The following ITGA11 variants were observed in gnomAD, a reference collection of about 807,000 sequenced individuals.
The protein encoded by ITGA11 is integrin alpha-11.
ITGA11 carries 97 observed loss-of-function variants against 141.9 expected under a neutral mutation model. The observed-to-expected ratio is 0.68, with a 90% CI of 0.58 to 0.81. ITGA11 has a LOEUF of 0.81. Ranked by LOEUF, ITGA11 falls within the 30% of genes least tolerant of loss-of-function variation. The probability of loss-of-function intolerance (pLI) is 0.00; values close to 1 mark genes in which losing one functional copy is unlikely to be tolerated. For synonymous variants in ITGA11, 658 were observed against 624.6 expected (o/e 1.05, Z -0.80); for missense variants, 1,387 against 1,559.2 (o/e 0.89, Z 1.86).
intron 18 of ITGA11, among the ~76,000 whole-genome samples, chr15:68,323,063 C>T (rs886338009): frequency 1.6e-4 from 24 of 152,268 alleles, no homozygotes; most frequent in Middle Eastern, 3.4e-3. Context: ...TCATGTGTAT[C>T]TTAAATTCAT....
rs1595869312 is a variant in ITGA11 at position 68,344,580 on chromosome 15, T to C, written c.1131+4250A>G. On this transcript the variant is annotated intron_variant, in intron 10 of 29. Coordinates refer to ENST00000315757, the MANE Select transcript of ITGA11 (RefSeq NM_001004439.2). ...GATGTTTATACCTCCAGAGGGGGAC[T>C]AGACTCGAAGACTCGGTAATCCCAT... Among the ~76,000 whole-genome samples the C allele has an allele frequency of 2.0e-5, 3 of 152,124 alleles. No homozygotes were observed. The South Asian group carries it at 6.2e-4, about 32-fold the overall frequency.
At chr15:68,416,255 A>G (rs1342985189) in intron 1 of ITGA11, among the ~76,000 whole-genome samples, 1 of 152,230 alleles carries the variant, frequency 6.6e-6, no homozygotes, top group Non-Finnish European at 1.5e-5. Flanking sequence ...CAAATCAGAA[A>G]AAAACAATCA....
chr15:68,316,989 C>G (rs1388952532), intron 21 of ITGA11, among the ~76,000 whole-genome samples: 2 of 152,188 alleles, frequency 1.3e-5, no homozygotes, highest in African/African-American at 4.8e-5. Flanking sequence ...GGCTGCAGAA[C>G]AGTGGGACTG....
chr15:68,349,837 T>A (rs139331017), intron 9 of ITGA11, among the ~76,000 whole-genome samples: 1 of 152,288 alleles, frequency 6.6e-6, no homozygotes, highest in African/African-American at 2.4e-5. Flanking sequence ...GCAGTTGGCA[T>A]ATAGGGATTA....
At chr15:68,354,695 TC>T (rs1471485548) in intron 7 of ITGA11, among the ~76,000 whole-genome samples, 2 of 152,138 alleles carry the variant, frequency 1.3e-5, no homozygotes, top group Non-Finnish European at 2.9e-5. Context: ...TCCTGGCAGT[TC>T]TCCTTGGCCA....
chr15:68,369,381 GGGGAGGGT>G, intron 2 of ITGA11, 97 bp from the exon 3 acceptor site: 3 of 642,284 alleles, frequency 4.7e-6, no homozygotes, highest in Admixed American at 2.4e-5. Flanking sequence ...GAAGTTGGGT[GGGGAGGGT>G]GGGAGGGAAC....
intron 2 of ITGA11, among the ~76,000 whole-genome samples, chr15:68,382,650 CCTCTCTTCT>C (rs1895891476): frequency 6.6e-6 from 1 of 152,250 alleles, no homozygotes; most frequent in South Asian, 2.1e-4. Flanking sequence ...GCCTCCCTTC[CCTCTCTTCT>C]CTCTTGTTGG....
At chr15:68,358,076 C>G (rs1367866143) in intron 6 of ITGA11, among the ~76,000 whole-genome samples, 1 of 152,192 alleles carries the variant, frequency 6.6e-6, no homozygotes, top group Non-Finnish European at 1.5e-5. Flanking sequence ...GATATATGAG[C>G]CTAGCAGCCC....
chr15:68,358,563 G>A lies in ITGA11; in HGVS notation c.495C>T (p.Ile165=), dbSNP rs770568289. The A allele has an allele frequency of 3.1e-6, 5 of 1,613,614 alleles. No individual in the cohort carries two copies. The highest frequency in any genetic ancestry group is 2.7e-5 in the African/African-American group (2 of 74,912). ...ALQRCQTYMD[I]VIVLDGSNSI... ...TGTTGGAGCCATCCAGGACAATGAC[G>A]ATGTCCATGTAGGTCTGGCACCCTG... is the stretch of plus-strand genomic sequence containing the variant. Residue 165 remains isoleucine (I), a synonymous_variant, in exon 6 of 30, where the codon ATC becomes ATT. Coordinates refer to ENST00000315757, the MANE Select transcript of ITGA11 (RefSeq NM_001004439.2).
Position 68,324,272 on chromosome 15 carries a change from C to T in ITGA11, c.2322+859G>A, listed in dbSNP as rs17318470. The stretch of plus-strand genomic sequence containing the variant: ...TTCAGGGGCATTGCTGTGGACTGTA[C>T]GGTCCTTTCCTGGTGTTGAAGAAAT... On this transcript the variant is annotated intron_variant, in intron 18 of 29. Transcript: ENST00000315757. The surrounding 1 kb of genome is among the most constrained non-coding windows in gnomAD (Gnocchi z 6.3). Among the ~76,000 whole-genome samples, 12,817 of 152,008 alleles carry T rather than the reference C, an allele frequency of 0.084. 677 individuals carry two copies. The highest frequency in any genetic ancestry group is 0.12 in the Non-Finnish European group (8,144 of 67,974).
At chr15:68,388,026 T>C (rs972539363) in intron 2 of ITGA11, among the ~76,000 whole-genome samples, 4 of 152,158 alleles carry the variant, frequency 2.6e-5, no homozygotes, top group African/African-American at 9.6e-5. Context: ...CCCCCTCCCC[T>C]GCACCTGGAT....
At chr15:68,374,419 A>G (rs1252954531) in intron 2 of ITGA11, among the ~76,000 whole-genome samples, 1 of 152,196 alleles carries the variant, frequency 6.6e-6, no homozygotes, top group Non-Finnish European at 1.5e-5. Flanking sequence ...TCCTTGGGCC[A>G]GCCTCAAATG....
At chr15:68,315,500 C>T in intron 22 of ITGA11, 151 bp downstream of exon 22, 1 of 708,192 alleles carries the variant, frequency 1.4e-6, no homozygotes, top group East Asian at 2.7e-5. Flanking sequence ...CGGCCCACCT[C>T]CCCACCCCAC....
chr15:68,320,951 G>A (rs756118004), intron 19 of ITGA11, among the ~76,000 whole-genome samples: 4 of 151,944 alleles, frequency 2.6e-5, no homozygotes, highest in Admixed American at 6.5e-5. Flanking sequence ...TTGTATGTTC[G>A]TTTGTCTCTT....
intron 10 of ITGA11, among the ~76,000 whole-genome samples, chr15:68,348,593 C>T (rs1403250025): frequency 6.6e-6 from 1 of 152,210 alleles, no homozygotes; most frequent in East Asian, 1.9e-4. Flanking sequence ...GAAGGATCAC[C>T]TGGGTGTTTA....
chr15:68,348,842 C>G lies in ITGA11; in HGVS notation c.1119G>C (p.Ser373=), dbSNP rs377369343. 3 of 1,608,384 alleles carry G rather than the reference C, an allele frequency of 1.9e-6. No homozygotes were observed. The highest frequency in any genetic ancestry group is 4.5e-5 in the East Asian group (2 of 44,634). The change falls in exon 10 of 30, where the codon TCG becomes TCC. Residue 373 remains serine, a synonymous_variant. Transcript: ENST00000315757. ...CTCCACCACATACCTCCACCACGTG[C>G]GAGGAAAAGCCCGTCTGTGACATCT... The part of the protein sequence containing the change: ...GLEMSQTGFS[S]HVVEDGVLLG...
rs79000774 is a variant in ITGA11 at position 68,343,980 on chromosome 15, C to T, written c.1132-4336G>A. On this transcript the variant is annotated intron_variant, in intron 10 of 29. Coordinates refer to ENST00000315757, the MANE Select transcript of ITGA11 (RefSeq NM_001004439.2). ...CAGCTGGGGTGAGCAGAAGGGGCCG[C>T]GGGGACCTGGGCGTGCTACACTGAC... Among the ~76,000 whole-genome samples, 513 of 152,206 alleles carry T rather than the reference C, an allele frequency of 3.4e-3. 4 individuals are homozygous for T. The highest frequency in any genetic ancestry group is 0.011 in the African/African-American group (450 of 41,526).
chr15:68,344,473 T>C (rs1454967561), intron 10 of ITGA11, among the ~76,000 whole-genome samples: 2 of 152,218 alleles, frequency 1.3e-5, no homozygotes, highest in East Asian at 3.9e-4. Flanking sequence ...TACCCTTCAT[T>C]GTCTAGACCT....
At chr15:68,381,442 T>C (rs943682609) in intron 2 of ITGA11, among the ~76,000 whole-genome samples, 2 of 152,084 alleles carry the variant, frequency 1.3e-5, no homozygotes, top group Admixed American at 1.3e-4. Flanking sequence ...AATAAACAAA[T>C]AAATGGATGC....
Sources: allele counts gnomAD v4.1 joint callset (sites outside exome capture counted in the v4.1 genomes callset), GRCh38; gene constraint gnomAD v4.1.1; non-coding constraint Gnocchi (gnomAD v3.1); transcripts MANE v1.5; gene names NCBI Gene and HGNC (gene_info 2026-07-23, HGNC 2026-07-21).